Variants in TGIF1 observed in about 807,000 individuals in gnomAD.
TGIF1 encodes TGFB induced factor homeobox 1.
TGIF1 carries 4 observed loss-of-function variants against 19.3 expected under a neutral mutation model. The observed-to-expected ratio is 0.21, with a 90% CI of 0.10 to 0.47. The LOEUF (loss-of-function observed/expected upper bound fraction) is 0.47, where lower values mean the gene tolerates loss of function less well. Ranked by LOEUF, TGIF1 falls within the 20% of genes least tolerant of loss-of-function variation. TGIF1 has a pLI of 0.98. For missense variants in TGIF1, 275 were observed against 341.4 expected (o/e 0.81, Z 1.53); for synonymous variants, 122 against 129.3 (o/e 0.94, Z 0.38).
In TGIF1 at chr18:3,450,467, C is replaced by T. The variant is rs1030438348; in HGVS notation, c.-23C>T. The T allele has an allele frequency of 1.3e-6, 2 of 1,556,794 alleles. No individual in the cohort carries two copies. The highest frequency in any genetic ancestry group is 1.7e-6 in the Non-Finnish European group (2 of 1,150,278). On this transcript the variant is annotated 5_prime_UTR_variant, in exon 1 of 3. Transcript: ENST00000343820. ...GCCCCTCCAGACCCCCGCCTTGCCT[C>T]GCGCTGGGAGGGGAGATCCAGAATG...
upstream of TGIF1, chr18:3,448,181 C>T: frequency 3.0e-6 from 3 of 985,334 alleles, no homozygotes; most frequent in Non-Finnish European, 3.6e-6. Context: ...AAAGCGTCTC[C>T]CCAGTAACCG....
In TGIF1 at chr18:3,456,673, C is replaced by T; in HGVS notation, c.243+93C>T. 2 of 1,084,240 alleles carry T rather than the reference C, an allele frequency of 1.8e-6. No individual in the cohort carries two copies. The highest frequency in any genetic ancestry group is 2.8e-6 in the Non-Finnish European group (2 of 713,716). The allele number at this position is 1,084,240 out of a possible 1,614,324, so 67.2% of individuals were successfully genotyped here. A position where few individuals can be genotyped will look rare whatever the true frequency, so the allele number is the denominator to read the frequency against. On this transcript the variant is annotated intron_variant, in intron 2 of 2. Coordinates refer to ENST00000343820, the MANE Select transcript of TGIF1 (RefSeq NM_003244.4). This position sits in a 1 kb window ranked among gnomAD's most constrained non-coding sequence, Gnocchi z 4.2. Reference sequence around the variant, plus strand: ...TGTGTCAAGTCATTAAGCTCCTTGCCACTCAAAGACAGAAGGAATATCTTT... The same window carrying T: ...TGTGTCAAGTCATTAAGCTCCTTGCTACTCAAAGACAGAAGGAATATCTTT...
chr18:3,431,204 C>T (rs1466052733), intron 2 of TGIF1, among the ~76,000 whole-genome samples: 6 of 152,112 alleles, frequency 3.9e-5, no homozygotes, highest in East Asian at 1.9e-4. Context: ...CCCAGCACTT[C>T]GGGAGGCCGA....
chr18:3,444,160 G>C (rs1176570966), intron 2 of TGIF1, among the ~76,000 whole-genome samples: 1 of 151,704 alleles, frequency 6.6e-6, no homozygotes, highest in African/African-American at 2.4e-5. Flanking sequence ...GGCCAGGCTG[G>C]TCTCGAGGTC....
chr18:3,450,062 G>C (rs1303159429), upstream of TGIF1: 4 of 1,013,938 alleles, frequency 3.9e-6, no homozygotes, highest in South Asian at 4.0e-5. Context: ...CAGTCTTCCC[G>C]GCTGGAAGGT....
intron 2 of TGIF1, among the ~76,000 whole-genome samples, chr18:3,439,388 C>T (rs2082654757): frequency 6.6e-6 from 1 of 150,668 alleles, no homozygotes; most frequent in South Asian, 2.1e-4. Flanking sequence ...TGCTCTATTG[C>T]CCAGGTTGGA....
intron 2 of TGIF1, among the ~76,000 whole-genome samples, chr18:3,441,748 C>G (rs1281272282): frequency 6.6e-6 from 1 of 152,080 alleles, no homozygotes; most frequent in Non-Finnish European, 1.5e-5. Context: ...AGTCAATTAT[C>G]CCAATTCAAT....
At position 3,452,203 on chromosome 18, in the gene TGIF1, TG is replaced by T. The variant is rs1371615768; in HGVS notation, c.16+1702del. On this transcript the variant is annotated intron_variant, in intron 1 of 2. Transcript: ENST00000343820. The stretch of plus-strand genomic sequence containing the variant: ...TCCCTGGCGACCCCCTCTGCGCTCC[TG>T]GGGTCCTCCTGCGCCCCCCCTCCTC... 1.9e-6 allele frequency: 3 copies of T among 1,602,726 alleles called. No homozygotes were observed. The Admixed American group carries it at 5.1e-5, about 27-fold the overall frequency.
upstream of TGIF1, among the ~76,000 whole-genome samples, chr18:3,445,723 CAAAAAAAAAAAAAAAA>C (rs141550400): frequency 1.1e-3 from 19 of 17,698 alleles, no homozygotes; most frequent in Non-Finnish European, 1.3e-3. Context: ...GACTCTGTCT[CAAAAAAAAAAAAAAAA>C]AAAAAAAAAA....
chr18:3,422,344 A>T lies in TGIF1; in HGVS notation c.-45+4129A>T, dbSNP rs141707450. 6.3e-3 allele frequency among the ~76,000 whole-genome samples: 947 copies of T among 150,968 alleles called. 14 individuals carry two copies. Among genetic ancestry groups the T allele is most frequent in the African/African-American group, 0.022 (903 of 41,290 alleles). On this transcript the variant is annotated intron_variant, in intron 2 of 3. Transcript: ENST00000401449. ...AAATTTGATAGAAAAAGCTTATAGA[A>T]TATGGACATGAAGAACGAATACATT...
chr18:3,449,573 C>G (rs1234183195), upstream of TGIF1: 8 of 902,738 alleles, frequency 8.9e-6, no homozygotes, highest in Non-Finnish European at 1.0e-5. Context: ...CTCCCACTGT[C>G]GCTGCTGGAG....
At chr18:3,448,710 G>A (rs1373742041), upstream of TGIF1, 3 of 755,248 alleles carry the variant, frequency 4.0e-6, no homozygotes, top group Middle Eastern at 6.7e-4. Context: ...TCTAGGGGCG[G>A]GGGTGTCTTT....
Position 3,457,324 on chromosome 18 carries a change from G to A in TGIF1, c.244-41G>A. Reference sequence around the variant, plus strand: ...AACATTCTCAGAACCCGTTGGCTGAGTGAATGAGGAAAATGTTAAAGCGTA... The same window carrying A: ...AACATTCTCAGAACCCGTTGGCTGAATGAATGAGGAAAATGTTAAAGCGTA... On this transcript the variant is annotated intron_variant, in intron 2 of 2. Coordinates refer to ENST00000343820, the MANE Select transcript of TGIF1 (RefSeq NM_003244.4). The surrounding 1 kb of genome is among the most constrained non-coding windows in gnomAD (Gnocchi z 4.9). The A allele has an allele frequency of 6.2e-7, 1 of 1,607,196 alleles. No individual in the cohort carries two copies. The highest frequency in any genetic ancestry group is 8.5e-7 in the Non-Finnish European group (1 of 1,174,822).
chr18:3,448,715 G>GT (rs2082800740), upstream of TGIF1: 3 of 432,108 alleles, frequency 6.9e-6, no homozygotes, highest in African/African-American at 4.4e-5. Flanking sequence ...GGGCGGGGGT[G>GT]TCTTTTTTTT....
chr18:3,432,263 C>A (rs1312327433), intron 2 of TGIF1, among the ~76,000 whole-genome samples: 1 of 151,836 alleles, frequency 6.6e-6, no homozygotes, highest in Non-Finnish European at 1.5e-5. Context: ...GTGCTATAAA[C>A]TAACAGGACT....
At chr18:3,447,803 T>C (rs2082770203), upstream of TGIF1, 3 of 1,613,916 alleles carry the variant, frequency 1.9e-6, no homozygotes, top group East Asian at 2.2e-5. Context: ...CCAAGGTGAG[T>C]TCACATCTCC....
In TGIF1 at chr18:3,459,617, G is replaced by A. The variant is rs1598917784; in HGVS notation, c.*1677G>A. On this transcript the variant is annotated 3_prime_UTR_variant, in exon 3 of 3. Transcript: ENST00000343820. Reference sequence around the variant, plus strand: ...ACTTGCTCCAACAGCTAGATCAAAGGCTGAACATTTTGCTTTAGTATAGAT... The same window carrying A: ...ACTTGCTCCAACAGCTAGATCAAAGACTGAACATTTTGCTTTAGTATAGAT... 2 of 152,180 alleles carry A rather than the reference G, an allele frequency of 1.3e-5. No homozygotes were observed. The highest frequency in any genetic ancestry group is 3.8e-4 in the East Asian group (2 of 5,204). The allele number at this position is 152,180 out of a possible 1,614,324, so 9.4% of individuals were successfully genotyped here.
At chr18:3,448,613 G>C (rs550856431), upstream of TGIF1, 13 of 985,046 alleles carry the variant, frequency 1.3e-5, no homozygotes, top group African/African-American at 1.7e-5. Flanking sequence ...TGCCTTCTTA[G>C]AGAGACGCTT....
At chr18:3,432,714 G>A (rs562767240) in intron 2 of TGIF1, among the ~76,000 whole-genome samples, 87 of 152,070 alleles carry the variant, frequency 5.7e-4, no homozygotes, top group Non-Finnish European at 1.1e-3. Context: ...GGATGGTGAA[G>A]AGTATATGAG....
Sources: gnomAD v4.1 joint callset for allele counts (sites outside exome capture counted in the v4.1 genomes callset) on GRCh38, gnomAD v4.1.1 for gene constraint, Gnocchi (gnomAD v3.1) non-coding constraint, MANE v1.5 for transcripts, NCBI Gene and HGNC (gene_info 2026-07-23, HGNC 2026-07-21) for gene names.